SAYSD1: variants seen among roughly 807,000 people sequenced by gnomAD.
SAYSD1 encodes SAYSVFN motif domain containing 1, also known as SAYSvFN domain-containing protein 1.
SAYSD1 carries 15 observed loss-of-function variants against 14.5 expected under a neutral mutation model. The ratio of observed to expected loss-of-function variants is 1.03; its 90% confidence interval spans 0.69 to 1.59. SAYSD1 has a LOEUF of 1.59. Ranked by LOEUF, SAYSD1 falls within the 40% of genes most tolerant of loss-of-function variation. The pLI is 0.00. For synonymous variants in SAYSD1, 105 were observed against 102.6 expected (o/e 1.02, Z -0.14); for missense variants, 247 against 227.3 (o/e 1.09, Z -0.56).
At chr6:39,113,088 C>T (rs170644) in intron 1 of SAYSD1, 52,278 of 152,016 alleles carry the variant, frequency 0.34, 12,212 homozygotes, top group African/African-American at 0.64. Context: ...AGATAGAAAG[C>T]AGACTGACAT....
At chr6:39,110,996 C>T (rs538837423) in intron 1 of SAYSD1, 3 of 152,040 alleles carry the variant, frequency 2.0e-5, no homozygotes, top group African/African-American at 7.2e-5. Flanking sequence ...GGAGCAAGTG[C>T]AAAAGATTCT....
chr6:39,106,823 G>A (rs1376440364), intron 1 of SAYSD1, among the ~76,000 whole-genome samples: 2 of 152,182 alleles, frequency 1.3e-5, no homozygotes, highest in Non-Finnish European at 2.9e-5. Context: ...TCAACAGATT[G>A]AAATGCCAGT....
At chr6:39,111,560 G>T (rs992820568) in intron 1 of SAYSD1, 3 of 152,116 alleles carry the variant, frequency 2.0e-5, no homozygotes, top group Non-Finnish European at 4.4e-5. Context: ...AAAGAAAAAG[G>T]TCAAAAAGCA....
rs531527901 is a variant in SAYSD1, at chr6:39,106,247, A to T, written c.208-471T>A. ...AAAAATCCTTTTTACGTTTAAAAAA[A>T]AAAATCAGCCAGGTGCACACCTGTA... On this transcript the variant is annotated intron_variant, in intron 1 of 1. Transcript: ENST00000229903. Among the ~76,000 whole-genome samples, 224 of 152,278 alleles carry T rather than the reference A, an allele frequency of 1.5e-3. 2 individuals are homozygous for T. Among genetic ancestry groups the T allele is most frequent in the Admixed American group, 2.5e-3 (38 of 15,292 alleles).
chr6:39,110,688 AG>A (rs3839540), intron 1 of SAYSD1: 24,829 of 152,204 alleles, frequency 0.16, 2,485 homozygotes, highest in East Asian at 0.25. Context: ...ACACAGCAAA[AG>A]GTGGAATTTT....
intron 1 of SAYSD1, among the ~76,000 whole-genome samples, chr6:39,108,330 T>C (rs926669404): frequency 6.8e-6 from 1 of 147,468 alleles, no homozygotes; most frequent in African/African-American, 2.5e-5. Flanking sequence ...TCTCGGATCC[T>C]AGGATGGTCT....
chr6:39,111,284 C>T (rs1769620590), intron 1 of SAYSD1: 1 of 151,844 alleles, frequency 6.6e-6, no homozygotes, highest in African/African-American at 2.4e-5. Context: ...GAACAAACAT[C>T]CAAAGCAGAA....
chr6:39,111,034 A>G (rs1275151557), intron 1 of SAYSD1: 1 of 152,228 alleles, frequency 6.6e-6, no homozygotes, highest in Non-Finnish European at 1.5e-5. Flanking sequence ...TGCATTCAGT[A>G]TTTAAAAAAA....
At position 39,115,058 on chromosome 6, in the gene SAYSD1, G is replaced by C; in HGVS notation, c.32C>G (p.Ala11Gly). 1 of 1,610,000 alleles carries C rather than the reference G, an allele frequency of 6.2e-7. No individual in the cohort carries two copies. Reference protein sequence around the residue: MEQRLAEFRAARKRAGLAAQP... With the variant: MEQRLAEFRAGRKRAGLAAQP... ...GGCCGCCAGACCCGCCCGTTTCCGC[G>C]CCGCCCGAAACTCAGCTAACCGCTG... Residue 11 changes from alanine to glycine, a missense_variant, in exon 1 of 2, where the codon GCG becomes GGG. Ala to Gly is a moderately conservative substitution (Grantham distance 60). Coordinates refer to ENST00000229903, the MANE Select transcript of SAYSD1 (RefSeq NM_018322.3).
At position 39,105,519 on chromosome 6, in the gene SAYSD1, G is replaced by C. The variant is rs1233534440; in HGVS notation, c.465C>G (p.Phe155Leu). 6.2e-7 allele frequency: 1 copy of C among 1,614,078 alleles called. No individual in the cohort carries two copies. The highest frequency in any genetic ancestry group is 2.2e-5 in the East Asian group (1 of 44,896). ...CCTGGATGGCTTCACAGCCTGGATTGAACACAGAGTAGGCGCTCTTCTCTC... is the reference window on the plus strand; with the variant it reads ...CCTGGATGGCTTCACAGCCTGGATTCAACACAGAGTAGGCGCTCTTCTCTC... ...KEGEKSAYSVFNPGCEAIQGT... is the reference protein window; with the variant it reads ...KEGEKSAYSVLNPGCEAIQGT... The change falls in exon 2 of 2, where the codon TTC becomes TTG. Residue 155 changes from phenylalanine (F) to leucine (L), a missense_variant. Physicochemically the swap from Phe to Leu is conservative, Grantham distance 22. Coordinates refer to ENST00000229903, the MANE Select transcript of SAYSD1 (RefSeq NM_018322.3).
In SAYSD1 at chr6:39,114,997, T is replaced by C. The variant is rs779153008; in HGVS notation, c.93A>G (p.Pro31=). The C allele has an allele frequency of 2.5e-6, 4 of 1,613,800 alleles. No homozygotes were observed. Among genetic ancestry groups the C allele is most frequent in the Non-Finnish European group, 2.5e-6 (3 of 1,179,918 alleles). Residue 31 remains proline (P), a synonymous_variant, in exon 1 of 2, where the codon CCA becomes CCG. Coordinates refer to ENST00000229903, the MANE Select transcript of SAYSD1 (RefSeq NM_018322.3). ...TCGCTGCTGCTTCCGCCTTCTCTCC[T>C]GGGGTTTGTGCGCCCTGACTGGCAG... ...PPAASQGAQT[P]GEKAEAAATL...
chr6:39,106,424 G>T (rs1769504591), intron 1 of SAYSD1, among the ~76,000 whole-genome samples: 2 of 152,126 alleles, frequency 1.3e-5, no homozygotes, highest in Admixed American at 1.3e-4. Context: ...CTACTCAGGA[G>T]GCCAAGGCAT....
intron 1 of SAYSD1, 44 bp from the exon 2 acceptor site, chr6:39,105,820 A>G: frequency 3.2e-6 from 5 of 1,553,540 alleles, no homozygotes; most frequent in Non-Finnish European, 4.4e-6. Context: ...AGGGTAATGG[A>G]GCTGAGATGA....
Position 39,115,007 on chromosome 6 carries a change from G to C in SAYSD1, c.83C>G (p.Ala28Gly). 2 of 1,613,672 alleles carry C rather than the reference G, an allele frequency of 1.2e-6. No individual in the cohort carries two copies. Among genetic ancestry groups the C allele is most frequent in the Non-Finnish European group, 1.7e-6 (2 of 1,179,910 alleles). ...TTCCGCCTTCTCTCCTGGGGTTTGT[G>C]CGCCCTGACTGGCAGCAGGGGGTTG... ...AAQPPAASQGAQTPGEKAEAA... is the reference protein window; with the variant it reads ...AAQPPAASQGGQTPGEKAEAA... Residue 28 changes from alanine (A) to glycine (G), a missense_variant, in exon 1 of 2, where the codon GCA (alanine) becomes GGA (glycine). Ala to Gly is a moderately conservative substitution (Grantham distance 60). Transcript: ENST00000229903.
chr6:39,114,670 G>A (rs1769699253), intron 1 of SAYSD1, among the ~76,000 whole-genome samples: 1 of 152,240 alleles, frequency 6.6e-6, no homozygotes, highest in African/African-American at 2.4e-5. Context: ...GCTGGAATCA[G>A]GACCTGCGTG....
At chr6:39,108,378 G>T (rs768214012) in intron 1 of SAYSD1, among the ~76,000 whole-genome samples, 1 of 151,138 alleles carries the variant, frequency 6.6e-6, no homozygotes, top group Non-Finnish European at 1.5e-5. Context: ...GGGCCTTTAT[G>T]GGGGGTGGCA....
chr6:39,109,815 GTTTC>G (rs1477256093), intron 1 of SAYSD1, among the ~76,000 whole-genome samples: 3 of 152,146 alleles, frequency 2.0e-5, no homozygotes, highest in Admixed American at 6.5e-5. Context: ...CTGTATGGTG[GTTTC>G]TTTATCCCTT....
rs777136738 is a variant in SAYSD1 at position 39,115,086 on chromosome 6, C to G, written c.4G>C (p.Glu2Gln). MEQRLAEFRAAR... is the reference protein window; with the variant it reads MQQRLAEFRAAR... ...GCCCGAAACTCAGCTAACCGCTGTT[C>G]CATGGCGCGCGCCTCGCGTCCGTTG... is the stretch of plus-strand genomic sequence containing the variant. The change falls in exon 1 of 2, where the codon GAA becomes CAA. Residue 2 changes from glutamate (E) to glutamine (Q), a missense_variant. Physicochemically the swap from Glu to Gln is conservative, Grantham distance 29. Transcript: ENST00000229903. 6.2e-7 allele frequency: 1 copy of G among 1,601,994 alleles called. No homozygotes were observed. Among genetic ancestry groups the G allele is most frequent in the Non-Finnish European group, 8.5e-7 (1 of 1,177,224 alleles).
Position 39,111,645 on chromosome 6 carries a change from C to T in SAYSD1, c.207+3238G>A, listed in dbSNP as rs144027058. On this transcript the variant is annotated intron_variant, in intron 1 of 1. Transcript: ENST00000229903. ...CTTCAGAGGATCATGAGAAACCTTACCCTCATTGTAAGAAGTTTATGATGC... is the reference window on the plus strand; with the variant it reads ...CTTCAGAGGATCATGAGAAACCTTATCCTCATTGTAAGAAGTTTATGATGC... The T allele has an allele frequency of 1.6e-3, 236 of 152,230 alleles. 2 individuals are homozygous for T. Among genetic ancestry groups the T allele is most frequent in the African/African-American group, 5.5e-3 (228 of 41,544 alleles). 9.4% of individuals were successfully genotyped at this position (152,230 alleles called of 1,614,324 possible).
Sources: gnomAD v4.1 joint callset for allele counts (sites outside exome capture counted in the v4.1 genomes callset) on GRCh38, gnomAD v4.1.1 for gene constraint, MANE v1.5 for transcripts, NCBI Gene and HGNC (gene_info 2026-07-23, HGNC 2026-07-21) for gene names.